Variants in TBC1D19 observed in about 807,000 individuals in gnomAD.
TBC1D19 encodes the protein TBC1 domain family member 19.
TBC1D19 carries 60 observed loss-of-function variants against 89.0 expected under a neutral mutation model. The ratio of observed to expected loss-of-function variants is 0.67; its 90% CI spans 0.55 to 0.84. The LOEUF (loss-of-function observed/expected upper bound fraction) is 0.84, where lower values mean the gene tolerates loss of function less well. Among genes scored for constraint, TBC1D19 ranks in the 40% least tolerant of loss-of-function variants. The probability of loss-of-function intolerance (pLI) is 0.00; values close to 1 mark genes in which losing one functional copy is unlikely to be tolerated. For synonymous variants in TBC1D19, 189 were observed against 199.7 expected (o/e 0.95, Z 0.45); for missense variants, 500 against 610.8 (o/e 0.82, Z 1.91).
At chr4:26,783,833 AACCATGCATCTTAGGCC>A in the TBC1D19 span, among the ~76,000 whole-genome samples, 167 of 152,210 alleles carry the variant, frequency 1.1e-3, no homozygotes, top group South Asian at 6.4e-3. Flanking sequence ...AATGCCTGGC[AACCATGCATCTTAGGCC>A]ACCATGCATC....
intron 1 of TBC1D19, among the ~76,000 whole-genome samples, chr4:26,577,030 C>A (rs1738988238): frequency 2.6e-5 from 4 of 152,092 alleles, no homozygotes; most frequent in Admixed American, 2.6e-4. Context: ...TGGGACTCAT[C>A]CAATCAGTTG....
intron 15 of TBC1D19, among the ~76,000 whole-genome samples, chr4:26,731,071 C>T (rs1034048601): frequency 2.6e-5 from 4 of 152,136 alleles, no homozygotes; most frequent in African/African-American, 7.2e-5. Context: ...AAGTAACATA[C>T]GTAAGCGTAC....
chr4:26,734,073 A>C (rs1717823511), intron 15 of TBC1D19, among the ~76,000 whole-genome samples: 1 of 152,244 alleles, frequency 6.6e-6, no homozygotes, highest in Admixed American at 6.5e-5. Flanking sequence ...ACATTTTCAC[A>C]TAGAAGATAA....
At chr4:26,620,320 T>A (rs1328214243) in intron 3 of TBC1D19, among the ~76,000 whole-genome samples, 1 of 152,216 alleles carries the variant, frequency 6.6e-6, no homozygotes, top group Non-Finnish European at 1.5e-5. Flanking sequence ...CGGCACTTAC[T>A]GCAATCTGAT....
chr4:26,767,695 A>G, the TBC1D19 span, among the ~76,000 whole-genome samples: 1 of 152,174 alleles, frequency 6.6e-6, no homozygotes, highest in Non-Finnish European at 1.5e-5. Flanking sequence ...GTGAAAAATA[A>G]ATTTCTGTAG....
At chr4:26,642,596 C>T (rs926292852) in intron 7 of TBC1D19, among the ~76,000 whole-genome samples, 7 of 152,156 alleles carry the variant, frequency 4.6e-5, no homozygotes, top group Non-Finnish European at 1.5e-5. Context: ...CCTTAAATGT[C>T]AATGGGCTAA....
intron 15 of TBC1D19, among the ~76,000 whole-genome samples, chr4:26,733,536 C>G (rs572523739): frequency 1.3e-5 from 2 of 152,104 alleles, no homozygotes; most frequent in Non-Finnish European, 2.9e-5. Flanking sequence ...GACATCCAGT[C>G]CATGCCCTTA....
intron 3 of TBC1D19, 59 bp from the exon 4 acceptor site, chr4:26,620,554 A>C (rs1441529081): frequency 7.2e-7 from 1 of 1,380,974 alleles, no homozygotes; most frequent in African/African-American, 1.4e-5. Context: ...CTACAGAGGT[A>C]AGTAATATCT....
chr4:26,717,594 C>CACAA (rs1716711348), intron 13 of TBC1D19, among the ~76,000 whole-genome samples: 2 of 152,006 alleles, frequency 1.3e-5, no homozygotes, highest in Non-Finnish European at 2.9e-5. Context: ...TGCTCTATGT[C>CACAA]ACAATAGTTA....
At chr4:26,610,617 A>C (rs187996540) in intron 1 of TBC1D19, among the ~76,000 whole-genome samples, 54 of 151,906 alleles carry the variant, frequency 3.6e-4, no homozygotes, top group African/African-American at 1.3e-3. Flanking sequence ...TCTACCATCA[A>C]GTAGGCCCTG....
chr4:26,669,927 G>A (rs1712143663), intron 9 of TBC1D19, among the ~76,000 whole-genome samples: 1 of 151,616 alleles, frequency 6.6e-6, no homozygotes, highest in African/African-American at 2.4e-5. Flanking sequence ...GAAAAGAATC[G>A]AGTTGTTATG....
intron 7 of TBC1D19, among the ~76,000 whole-genome samples, chr4:26,655,922 C>T (rs912640287): frequency 7.9e-5 from 12 of 152,172 alleles, no homozygotes; most frequent in Admixed American, 5.2e-4. Flanking sequence ...GAACCTGGCA[C>T]CTCAGTTGGA....
intron 7 of TBC1D19, among the ~76,000 whole-genome samples, chr4:26,646,934 A>C (rs905642926): frequency 1.9e-4 from 29 of 152,226 alleles, no homozygotes; most frequent in African/African-American, 6.3e-4. Context: ...TAATTTAAAA[A>C]AAGTAAAATA....
chr4:26,641,518 C>T (rs1166563570), intron 7 of TBC1D19, among the ~76,000 whole-genome samples: 1 of 152,218 alleles, frequency 6.6e-6, no homozygotes, highest in African/African-American at 2.4e-5. Flanking sequence ...AGTGCCCCTT[C>T]TCCTCCAAAG....
chr4:26,821,109 C>T, the TBC1D19 span, among the ~76,000 whole-genome samples: 3 of 152,354 alleles, frequency 2.0e-5, no homozygotes, highest in African/African-American at 4.8e-5. Context: ...CAAGCATGCA[C>T]ATGAAGAGCA....
At chr4:26,655,178 G>A (rs260938) in intron 7 of TBC1D19, among the ~76,000 whole-genome samples, 148,949 of 152,300 alleles carry the variant, frequency 0.98, 72,919 homozygotes, top group East Asian at 1. Flanking sequence ...CGGCAGCTGC[G>A]GAACAGTAGA....
At chr4:26,793,257 A>G in the TBC1D19 span, among the ~76,000 whole-genome samples, 2 of 152,292 alleles carry the variant, frequency 1.3e-5, no homozygotes, top group East Asian at 3.9e-4. Flanking sequence ...CTTCTCATGG[A>G]AAATGGCACC....
At chr4:26,657,455 T>C (rs931183837) in intron 7 of TBC1D19, among the ~76,000 whole-genome samples, 1 of 152,212 alleles carries the variant, frequency 6.6e-6, no homozygotes, top group Non-Finnish European at 1.5e-5. Flanking sequence ...ATGGTGTATA[T>C]GTGCCACATT....
intron 7 of TBC1D19, among the ~76,000 whole-genome samples, chr4:26,656,811 G>A (rs566690170): frequency 4.9e-4 from 74 of 152,146 alleles, no homozygotes; most frequent in African/African-American, 1.6e-3. Flanking sequence ...TGCCTGCCTC[G>A]GCCTCCCAAA....
Sources: allele counts gnomAD v4.1 joint callset (sites outside exome capture counted in the v4.1 genomes callset), GRCh38; gene constraint gnomAD v4.1.1; transcripts MANE v1.5; gene names NCBI Gene and HGNC (gene_info 2026-07-23, HGNC 2026-07-21).